Variants in UBASH3B observed in about 807,000 individuals in gnomAD.
The protein encoded by UBASH3B is ubiquitin associated and SH3 domain containing B.
A neutral mutation model predicts 83.4 loss-of-function variants in UBASH3B; 37 were observed. That is an observed-to-expected ratio of 0.44 (90% CI 0.34 to 0.58). The LOEUF is 0.58. Among genes scored for constraint, UBASH3B ranks in the 20% least tolerant of loss-of-function variants. The probability of loss-of-function intolerance (pLI) is 0.01; values close to 1 mark genes in which losing one functional copy is unlikely to be tolerated. For missense variants in UBASH3B, 657 were observed against 827.2 expected, an observed-to-expected ratio of 0.79 and a Z score of 2.52; for synonymous variants, 304 against 318.3, an observed-to-expected ratio of 0.96 and a Z score of 0.48.
chr11:122,674,204 G>A (rs1218727531), intron 1 of UBASH3B, among the ~76,000 whole-genome samples: 2 of 152,196 alleles, frequency 1.3e-5, no homozygotes, highest in Non-Finnish European at 2.9e-5. Flanking sequence ...ACGGTGCTAT[G>A]GAATCATGAA....
chr11:122,763,603 G>A (rs1591803121), intron 1 of UBASH3B, among the ~76,000 whole-genome samples: 1 of 152,252 alleles, frequency 6.6e-6, no homozygotes, highest in Non-Finnish European at 1.5e-5. Flanking sequence ...CCCATTGGCT[G>A]GCCTTGGTGG....
chr11:122,732,511 C>T (rs1000401114), intron 1 of UBASH3B, among the ~76,000 whole-genome samples: 1 of 152,200 alleles, frequency 6.6e-6, no homozygotes, highest in Non-Finnish European at 1.5e-5. Flanking sequence ...CTAATGGAGA[C>T]ACAGGAATTT....
intron 1 of UBASH3B, among the ~76,000 whole-genome samples, chr11:122,707,709 T>C (rs929186604): frequency 6.6e-6 from 1 of 151,562 alleles, no homozygotes; most frequent in Admixed American, 6.6e-5. Context: ...TATTTATTTA[T>C]TTTTTTTGAG....
rs537942351 is a variant in UBASH3B at position 122,727,807 on chromosome 11, C to T, written c.162-48412C>T. Among the ~76,000 whole-genome samples, 126 of 152,268 alleles carry T rather than the reference C, an allele frequency of 8.3e-4. No individual in the cohort carries two copies. The Middle Eastern group carries it at 0.02, about 25-fold the overall frequency. On this transcript the variant is annotated intron_variant, in intron 1 of 13. Coordinates refer to ENST00000284273, the MANE Select transcript of UBASH3B (RefSeq NM_032873.5). ...GGGCTGTGATTCAAAGCCTTGCCAGCTTCGTGAATTCAAGAAATCCTTGTT... is the reference window on the plus strand; with the variant it reads ...GGGCTGTGATTCAAAGCCTTGCCAGTTTCGTGAATTCAAGAAATCCTTGTT...
chr11:122,668,974 T>A (rs1450859597), intron 1 of UBASH3B, among the ~76,000 whole-genome samples: 1 of 152,170 alleles, frequency 6.6e-6, no homozygotes, highest in African/African-American at 2.4e-5. Flanking sequence ...AACACATCCT[T>A]CTGGAAGCTT....
chr11:122,788,393 AC>A (rs1036662645), intron 5 of UBASH3B, among the ~76,000 whole-genome samples: 3 of 152,052 alleles, frequency 2.0e-5, no homozygotes, highest in Non-Finnish European at 2.9e-5. Flanking sequence ...ACATGGTGAA[AC>A]CCTGTCTCTA....
At chr11:122,689,045 T>A (rs1863851560) in intron 1 of UBASH3B, among the ~76,000 whole-genome samples, 1 of 148,348 alleles carries the variant, frequency 6.7e-6, no homozygotes. Context: ...AGTGATCCAC[T>A]TGCCTCGCCC....
At chr11:122,743,522 A>G (rs751925396) in intron 1 of UBASH3B, among the ~76,000 whole-genome samples, 10 of 152,166 alleles carry the variant, frequency 6.6e-5, no homozygotes, top group Non-Finnish European at 8.8e-5. Context: ...TGACTGATTA[A>G]GTCCCATGCC....
chr11:122,744,545 A>G (rs1339841449), intron 1 of UBASH3B, among the ~76,000 whole-genome samples: 1 of 151,680 alleles, frequency 6.6e-6, no homozygotes, highest in African/African-American at 2.4e-5. Context: ...TGATCATGTG[A>G]TCATGTCTAA....
intron 1 of UBASH3B, among the ~76,000 whole-genome samples, chr11:122,738,307 C>A (rs937268993): frequency 6.6e-6 from 1 of 152,126 alleles, no homozygotes; most frequent in Non-Finnish European, 1.5e-5. Context: ...CTATTAGGGA[C>A]TTTGTTAGTG....
intron 1 of UBASH3B, among the ~76,000 whole-genome samples, chr11:122,713,364 C>T (rs571843075): frequency 1.1e-3 from 168 of 152,164 alleles, no homozygotes; most frequent in Non-Finnish European, 1.6e-3. Context: ...GCTGACTCTG[C>T]GGCATCAGAC....
chr11:122,724,675 G>A (rs75149147), intron 1 of UBASH3B, among the ~76,000 whole-genome samples: 1,694 of 152,272 alleles, frequency 0.011, 32 homozygotes, highest in African/African-American at 0.038. Flanking sequence ...TTCACCAGAT[G>A]GGGGAAAGGG....
rs1157002213 is a variant in UBASH3B at position 122,656,110 on chromosome 11, A to G, written c.61A>G (p.Lys21Glu). ...GGCTGCGAGAGAGGAGCTGTACAGC[A>G]AAGTCACCCCCCGGAGGAACCGCCA... ...GMAAREELYSKVTPRRNRQQR... is the reference protein window; with the variant it reads ...GMAAREELYSEVTPRRNRQQR... The change falls in exon 1 of 14, where the codon AAA (lysine) becomes GAA (glutamate). Residue 21 changes from lysine to glutamate, a missense_variant. Lys to Glu is a moderately conservative substitution (Grantham distance 56). Around this residue, in one of 3 missense-constraint regions of UBASH3B, gnomAD observed 78 missense variants for 68.4 expected, o/e 1.14. Transcript: ENST00000284273. 1 of 1,602,080 alleles carries G rather than the reference A, an allele frequency of 6.2e-7. No homozygotes were observed. Among genetic ancestry groups the G allele is most frequent in the South Asian group, 1.1e-5 (1 of 89,126 alleles).
At chr11:122,761,853 A>G (rs1382877240) in intron 1 of UBASH3B, among the ~76,000 whole-genome samples, 1 of 125,650 alleles carries the variant, frequency 8.0e-6, no homozygotes, top group Non-Finnish European at 1.5e-5. Flanking sequence ...GTACAGTGGC[A>G]TGATCTCTGC....
chr11:122,789,358 AGACTGGATCCTG>A (rs1861012410), intron 6 of UBASH3B, 50 bp downstream of exon 6: 1 of 1,594,332 alleles, frequency 6.3e-7, no homozygotes, highest in Non-Finnish European at 8.6e-7. Flanking sequence ...TTGCTAAGGC[AGACTGGATCCTG>A]GATACACAGG....
intron 1 of UBASH3B, among the ~76,000 whole-genome samples, chr11:122,657,503 G>T (rs997656428): frequency 1.3e-5 from 2 of 151,986 alleles, no homozygotes; most frequent in Non-Finnish European, 2.9e-5. Flanking sequence ...TGGCCAGGCT[G>T]GTCTCGAACT....
At chr11:122,661,211 G>C (rs1435994378) in intron 1 of UBASH3B, among the ~76,000 whole-genome samples, 3 of 152,284 alleles carry the variant, frequency 2.0e-5, no homozygotes, top group Non-Finnish European at 1.5e-5. Flanking sequence ...AAATTAAAGA[G>C]CAAGGCAGTG....
intron 1 of UBASH3B, among the ~76,000 whole-genome samples, chr11:122,744,695 A>G (rs140870596): frequency 1.3e-3 from 97 of 74,744 alleles, no homozygotes; most frequent in East Asian, 0.012. Flanking sequence ...TGTGGGTGTG[A>G]TCACATGTGC....
intron 1 of UBASH3B, among the ~76,000 whole-genome samples, chr11:122,697,318 C>G (rs1305979781): frequency 6.6e-6 from 1 of 152,120 alleles, no homozygotes; most frequent in Non-Finnish European, 1.5e-5. Context: ...CTCAGAAATC[C>G]CAGCTATTCA....
Sources: gnomAD v4.1 joint callset for allele counts (sites outside exome capture counted in the v4.1 genomes callset) on GRCh38, gnomAD v4.1.1 for gene constraint, gnomAD v4.1.1 regional missense constraint, MANE v1.5 for transcripts, NCBI Gene and HGNC (gene_info 2026-07-23, HGNC 2026-07-21) for gene names.